MSI2: variants seen among roughly 807,000 people sequenced by gnomAD.
MSI2 encodes the protein musashi RNA binding protein 2, also known as RNA-binding protein Musashi homolog 2.
In MSI2, 17 loss-of-function variants were observed where a neutral mutation model predicts 45.6. The ratio of observed to expected loss-of-function variants is 0.37; its 90% CI spans 0.26 to 0.56. MSI2 has a LOEUF of 0.56. Ranked by LOEUF, MSI2 falls within the 20% of genes least tolerant of loss-of-function variation. The probability of loss-of-function intolerance (pLI) is 0.77; values close to 1 mark genes in which losing one functional copy is unlikely to be tolerated. For missense variants in MSI2, 293 were observed against 444.2 expected (o/e 0.66, Z 3.06); for synonymous variants, 156 against 158.2 (o/e 0.99, Z 0.11).
chr17:57,686,079 G>T (rs1485291948), downstream of MSI2, among the ~76,000 whole-genome samples: 1 of 152,180 alleles, frequency 6.6e-6, no homozygotes, highest in East Asian at 1.9e-4. Context: ...TTTGCCCATG[G>T]TTGTATAGCT....
chr17:57,691,779 A>T, the MSI2 span, among the ~76,000 whole-genome samples: 1 of 152,130 alleles, frequency 6.6e-6, no homozygotes, highest in Non-Finnish European at 1.5e-5. Context: ...ATACTGTCTG[A>T]AAATAGTTTC....
At chr17:57,637,682 T>C (rs749976257) in intron 10 of MSI2, among the ~76,000 whole-genome samples, 3 of 152,224 alleles carry the variant, frequency 2.0e-5, no homozygotes, top group Admixed American at 6.5e-5. Flanking sequence ...ATCAGGCTAT[T>C]GATCCTTCCT....
chr17:57,493,670 T>A (rs1331959243), intron 6 of MSI2, among the ~76,000 whole-genome samples: 1 of 150,806 alleles, frequency 6.6e-6, no homozygotes, highest in Non-Finnish European at 1.5e-5. Flanking sequence ...GGGATGATCT[T>A]GTCTCCTAGT....
chr17:57,604,437 G>A (rs1432338964), intron 8 of MSI2, among the ~76,000 whole-genome samples: 2 of 152,156 alleles, frequency 1.3e-5, no homozygotes, highest in African/African-American at 2.4e-5. Context: ...ACTGGGTCCC[G>A]AGCCTGCGGG....
rs551244132 is a variant in MSI2 at position 57,389,238 on chromosome 17, A to G, written c.313-12141A>G. 1.1e-3 allele frequency among the ~76,000 whole-genome samples: 160 copies of G among 151,840 alleles called. 1 individual carries two copies. The highest frequency in any genetic ancestry group is 1.9e-3 in the Non-Finnish European group (126 of 67,920). On this transcript the variant is annotated intron_variant, in intron 5 of 13. Coordinates refer to ENST00000284073, the MANE Select transcript of MSI2 (RefSeq NM_138962.4). ...ATGATCCGCCTGCCTCGGCCTCCCA[A>G]AGTACTGGGATTACAGGTGTGAGCC...
intron 5 of MSI2, among the ~76,000 whole-genome samples, chr17:57,277,336 G>A (rs952677697): frequency 1.3e-5 from 2 of 152,196 alleles, no homozygotes; most frequent in African/African-American, 2.4e-5. Context: ...GGGATTATAG[G>A]CATGAGCCAC....
intron 5 of MSI2, among the ~76,000 whole-genome samples, chr17:57,314,217 G>T (rs912676573): frequency 9.2e-5 from 14 of 152,092 alleles, no homozygotes; most frequent in African/African-American, 4.8e-5. Flanking sequence ...TTGGATTAGG[G>T]CCCACCCTAA....
chr17:57,590,598 C>T (rs1397678912), intron 7 of MSI2, among the ~76,000 whole-genome samples: 1 of 152,214 alleles, frequency 6.6e-6, no homozygotes, highest in Admixed American at 6.5e-5. Flanking sequence ...TTTTTAAATG[C>T]TCCCTGTCAA....
intron 8 of MSI2, among the ~76,000 whole-genome samples, chr17:57,603,698 C>T (rs1906181925): frequency 6.6e-6 from 1 of 152,220 alleles, no homozygotes; most frequent in Admixed American, 6.5e-5. Context: ...GTAGCACAAA[C>T]ACAGTCCAGG....
rs1236712160 is a variant in MSI2 at position 57,349,647 on chromosome 17, G to A, written c.313-51732G>A. Among the ~76,000 whole-genome samples the A allele has an allele frequency of 2.6e-5, 4 of 152,214 alleles. No individual in the cohort carries two copies. In the East Asian group the frequency reaches 7.7e-4, roughly 29 times the overall value. ...ACCATGTCATGAATAATAGTGCTAAGAGTACTTAAGAAGATGAACAGATCA... is the reference window on the plus strand; with the variant it reads ...ACCATGTCATGAATAATAGTGCTAAAAGTACTTAAGAAGATGAACAGATCA... On this transcript the variant is annotated intron_variant, in intron 5 of 13. Coordinates refer to ENST00000284073, the MANE Select transcript of MSI2 (RefSeq NM_138962.4).
chr17:57,521,294 C>T (rs1347711897), intron 6 of MSI2, among the ~76,000 whole-genome samples: 3 of 152,082 alleles, frequency 2.0e-5, no homozygotes, highest in Non-Finnish European at 1.5e-5. Context: ...CAGCCCCTGC[C>T]GGCTCTAGGA....
intron 5 of MSI2, among the ~76,000 whole-genome samples, chr17:57,354,873 A>C (rs956418793): frequency 8.5e-5 from 13 of 152,234 alleles, no homozygotes; most frequent in African/African-American, 3.1e-4. Flanking sequence ...GGCAGAGTAG[A>C]CTCTAGAAGG....
chr17:57,294,477 A>G (rs1011108732), intron 5 of MSI2, among the ~76,000 whole-genome samples: 8 of 152,182 alleles, frequency 5.3e-5, no homozygotes, highest in African/African-American at 1.9e-4. Flanking sequence ...CCTTCCTGCT[A>G]ATGTTTCCAA....
intron 6 of MSI2, among the ~76,000 whole-genome samples, chr17:57,401,904 T>C (rs545559569): frequency 8.2e-4 from 125 of 152,162 alleles, no homozygotes; most frequent in African/African-American, 2.9e-3. Context: ...CTGGGGCCCT[T>C]TGCAGCTGAA....
intron 6 of MSI2, among the ~76,000 whole-genome samples, chr17:57,509,397 G>A (rs1227603847): frequency 2.6e-5 from 4 of 152,078 alleles, no homozygotes; most frequent in African/African-American, 7.2e-5. Context: ...CACCAGTCTG[G>A]CGTCATCTTG....
chr17:57,383,708 T>G (rs1215559290), intron 5 of MSI2, among the ~76,000 whole-genome samples: 1 of 152,104 alleles, frequency 6.6e-6, no homozygotes, highest in Non-Finnish European at 1.5e-5. Flanking sequence ...CAGAAAAAAC[T>G]GACATTTTAG....
At chr17:57,570,929 T>C (rs1353978426) in intron 7 of MSI2, among the ~76,000 whole-genome samples, 1 of 152,064 alleles carries the variant, frequency 6.6e-6, no homozygotes, top group Non-Finnish European at 1.5e-5. Context: ...AAGACCAGCA[T>C]GGGAAGAAGG....
chr17:57,575,157 C>CG (rs1555626260), intron 7 of MSI2, among the ~76,000 whole-genome samples: 2 of 141,586 alleles, frequency 1.4e-5, no homozygotes, highest in East Asian at 2.1e-4. Flanking sequence ...TCCCTCCCCC[C>CG]GCCACCCCCC....
At chr17:57,261,039 T>C (rs1035190310) in intron 4 of MSI2, among the ~76,000 whole-genome samples, 2 of 152,274 alleles carry the variant, frequency 1.3e-5, no homozygotes, top group African/African-American at 4.8e-5. Context: ...ATGTTTATAC[T>C]ATCTGTGTTA....
Sources: gnomAD v4.1 joint callset for allele counts (sites outside exome capture counted in the v4.1 genomes callset) on GRCh38, gnomAD v4.1.1 for gene constraint, MANE v1.5 for transcripts, NCBI Gene and HGNC (gene_info 2026-07-23, HGNC 2026-07-21) for gene names.